The following CYTH1 variants were observed in gnomAD, a reference collection of about 807,000 sequenced individuals.
The protein encoded by CYTH1 is cytohesin 1, also known as cytohesin-1.
In CYTH1, 18 loss-of-function variants were observed where a neutral mutation model predicts 61.8. The ratio of observed to expected loss-of-function variants is 0.29; its 90% CI spans 0.20 to 0.43. The LOEUF (loss-of-function observed/expected upper bound fraction) is 0.43. CYTH1 is among the 20% of genes least tolerant of loss of function. CYTH1 has a pLI of 1.00. For synonymous variants in CYTH1, 174 were observed against 184.3 expected (o/e 0.94, Z 0.45); for missense variants, 336 against 510.5 (o/e 0.66, Z 3.29).
chr17:78,706,229 C>T (rs907837476), intron 3 of CYTH1, among the ~76,000 whole-genome samples: 4 of 152,190 alleles, frequency 2.6e-5, no homozygotes, highest in African/African-American at 9.7e-5. Flanking sequence ...AAGCACCACT[C>T]AGATTAATAC....
chr17:78,727,755 C>T (rs1480032234), intron 1 of CYTH1: 1 of 470,802 alleles, frequency 2.1e-6, no homozygotes, highest in Admixed American at 2.3e-5. Context: ...CAGGCTTCTT[C>T]TTCTCTGTCT....
chr17:78,701,641 T>C, intron 6 of CYTH1, 30 bp downstream of exon 6: 3 of 1,609,742 alleles, frequency 1.9e-6, no homozygotes, highest in Non-Finnish European at 2.6e-6. Context: ...TCCCACTCCT[T>C]CCAAAGGGGC....
chr17:78,692,586 G>T, intron 10 of CYTH1, 93 bp from the exon 11 acceptor site: 1 of 1,242,220 alleles, frequency 8.1e-7, no homozygotes, highest in South Asian at 1.2e-5. Flanking sequence ...CTCAGAGAGG[G>T]TTGGGGGAGA....
intron 1 of CYTH1, among the ~76,000 whole-genome samples, chr17:78,758,218 A>G (rs914126997): frequency 2.0e-5 from 3 of 152,348 alleles, no homozygotes; most frequent in African/African-American, 4.8e-5. Context: ...ATGATTAATT[A>G]AACTATGCTC....
intron 1 of CYTH1, among the ~76,000 whole-genome samples, chr17:78,738,775 C>A (rs532634856): frequency 1.3e-5 from 2 of 152,330 alleles, no homozygotes; most frequent in South Asian, 4.1e-4. Flanking sequence ...GCATTTCTAT[C>A]TTCTGGTATC....
chr17:78,697,505 C>T (rs1284524013), intron 9 of CYTH1, among the ~76,000 whole-genome samples: 1 of 151,454 alleles, frequency 6.6e-6, no homozygotes, highest in African/African-American at 2.4e-5. Context: ...CTCAGCAATA[C>T]AAGCTCATCA....
intron 1 of CYTH1, among the ~76,000 whole-genome samples, chr17:78,765,616 G>C (rs1030969150): frequency 6.6e-6 from 1 of 152,100 alleles, no homozygotes; most frequent in Non-Finnish European, 1.5e-5. Context: ...AGCTGTATCT[G>C]ACTCTATTTT....
chr17:78,715,807 T>C (rs540888028), intron 1 of CYTH1, among the ~76,000 whole-genome samples: 1 of 152,228 alleles, frequency 6.6e-6, no homozygotes. Flanking sequence ...TGCTGGTCGC[T>C]GGTAGTTAAC....
intron 11 of CYTH1, among the ~76,000 whole-genome samples, chr17:78,686,283 AC>A (rs2092815677): frequency 6.6e-6 from 1 of 152,262 alleles, no homozygotes; most frequent in Non-Finnish European, 1.5e-5. Flanking sequence ...GTTTTAACTT[AC>A]CTTTAAGAAT....
intron 1 of CYTH1, among the ~76,000 whole-genome samples, chr17:78,768,582 TC>T (rs1458357785): frequency 6.6e-6 from 1 of 152,094 alleles, no homozygotes; most frequent in African/African-American, 2.4e-5. Flanking sequence ...GCTATGTCCC[TC>T]CCAAACACTG....
At chr17:78,701,540 C>A in intron 6 of CYTH1, 131 bp downstream of exon 6, 1 of 882,738 alleles carries the variant, frequency 1.1e-6, no homozygotes, top group South Asian at 1.6e-5. Flanking sequence ...GATTTCTTCC[C>A]TCCAAAATAC....
At chr17:78,734,268 A>G (rs1421286476) in intron 1 of CYTH1, among the ~76,000 whole-genome samples, 1 of 151,796 alleles carries the variant, frequency 6.6e-6, no homozygotes, top group East Asian at 1.9e-4. Flanking sequence ...ATCAAGGGGG[A>G]CTGACATTAA....
At chr17:78,707,807 A>G (rs766524976) in intron 3 of CYTH1, among the ~76,000 whole-genome samples, 2 of 151,836 alleles carry the variant, frequency 1.3e-5, no homozygotes, top group Non-Finnish European at 2.9e-5. Flanking sequence ...CAGCCTCCCG[A>G]GTAGCTGGGA....
At chr17:78,681,820 A>AG (rs2092766248) in intron 11 of CYTH1, among the ~76,000 whole-genome samples, 1 of 145,988 alleles carries the variant, frequency 6.8e-6, no homozygotes, top group African/African-American at 2.6e-5. Context: ...CCTGGGTGAC[A>AG]GAGCAAGACT....
chr17:78,760,454 T>C (rs145930981), intron 1 of CYTH1, among the ~76,000 whole-genome samples: 2,377 of 53,830 alleles, frequency 0.044, 343 homozygotes, highest in Non-Finnish European at 0.063. Context: ...TATATATATA[T>C]ACATACATAT....
intron 1 of CYTH1, among the ~76,000 whole-genome samples, chr17:78,778,790 ATAATAAAAAG>A (rs982762421): frequency 6.6e-6 from 1 of 152,154 alleles, no homozygotes. Flanking sequence ...AAAAATAATA[ATAATAAAAAG>A]TTTGTTTAAA....
intron 1 of CYTH1, among the ~76,000 whole-genome samples, chr17:78,728,450 T>A (rs2093277516): frequency 6.6e-6 from 1 of 151,852 alleles, no homozygotes; most frequent in South Asian, 2.1e-4. Context: ...GAGGCTGGTA[T>A]TACAAGAGAA....
chr17:78,726,145 G>A (rs1452149653), intron 1 of CYTH1, among the ~76,000 whole-genome samples: 3 of 148,198 alleles, frequency 2.0e-5, no homozygotes, highest in Middle Eastern at 3.4e-3. Context: ...CCAGGTTCAC[G>A]CCATTCTCCT....
chr17:78,713,470 C>A (rs573275564), intron 1 of CYTH1, among the ~76,000 whole-genome samples: 1 of 152,340 alleles, frequency 6.6e-6, no homozygotes, highest in South Asian at 2.1e-4. Context: ...TGTATCTCTA[C>A]CCAGCAGAAG....
Sources: gnomAD v4.1 joint callset for allele counts (sites outside exome capture counted in the v4.1 genomes callset) on GRCh38, gnomAD v4.1.1 for gene constraint, MANE v1.5 for transcripts, NCBI Gene and HGNC (gene_info 2026-07-23, HGNC 2026-07-21) for gene names.